Variants in RYR2 observed in about 807,000 individuals in gnomAD.
RYR2 encodes cardiac muscle ryanodine receptor-calcium release channel.
Under a neutral mutation model 601.1 loss-of-function variants are expected in RYR2, and 227 were observed. The observed-to-expected ratio is 0.38, with a 90% CI of 0.34 to 0.42. RYR2 has a LOEUF of 0.42. Ranked by LOEUF, RYR2 falls within the 10% of genes least tolerant of loss-of-function variation. RYR2 has a pLI of 1.00. For synonymous variants in RYR2, 2,223 were observed against 2,175.1 expected (o/e 1.02, Z -0.61); for missense variants, 4,646 against 6,156.5 (o/e 0.75, Z 8.21).
intron 48 of RYR2, among the ~76,000 whole-genome samples, chr1:237,645,116 G>T (rs1303624505): frequency 6.6e-6 from 1 of 152,122 alleles, no homozygotes; most frequent in Admixed American, 6.5e-5. Flanking sequence ...TGCCCCTAGA[G>T]AAGGCAGGCT....
chr1:237,402,885 C>CGCTGT lies in RYR2; in HGVS notation c.774-14164_774-14163insGCTGT, dbSNP rs1447265888. On this transcript the variant is annotated intron_variant, in intron 10 of 104. Coordinates refer to ENST00000366574, the MANE Select transcript of RYR2 (RefSeq NM_001035.3). Reference sequence around the variant, plus strand: ...CAGCCTCGATGTCCTGGCCTCAAACCATCCCCCTGCTTCAGCCTCCTGTCT... The same window carrying CGCTGT: ...CAGCCTCGATGTCCTGGCCTCAAACCGCTGTATCCCCCTGCTTCAGCCTCCTGTCT... Among the ~76,000 whole-genome samples the CGCTGT allele has an allele frequency of 9.2e-5, 14 of 152,390 alleles. No individual in the cohort carries two copies. In the East Asian group the frequency reaches 2.7e-3, roughly 29 times the overall value.
chr1:237,051,200 T>C (rs1184767001), intron 1 of RYR2, among the ~76,000 whole-genome samples: 1 of 85,332 alleles, frequency 1.2e-5, no homozygotes, highest in Non-Finnish European at 2.1e-5. Context: ...TTCCCTTCCC[T>C]CCCTTTCCCT....
intron 68 of RYR2, among the ~76,000 whole-genome samples, chr1:237,707,912 C>T (rs1027772333): frequency 6.0e-5 from 9 of 149,708 alleles, no homozygotes; most frequent in South Asian, 2.1e-4. Flanking sequence ...GCTAGGATTA[C>T]AGGCATCTGC....
At chr1:237,809,111 T>G (rs1282549831) in intron 100 of RYR2, 76 bp downstream of exon 100, 9 of 1,287,878 alleles carry the variant, frequency 7.0e-6, no homozygotes, top group Middle Eastern at 2.6e-4. Context: ...GTGTATTTAT[T>G]CTCTAACAGT....
rs553497043 is a variant in RYR2 at position 237,328,739 on chromosome 1, A to G, written c.169-2139A>G. On this transcript the variant is annotated intron_variant, in intron 2 of 104. Coordinates refer to ENST00000366574, the MANE Select transcript of RYR2 (RefSeq NM_001035.3). ...TTTAATTTGAGAACTCTAGTACTTG[A>G]TTTTTCCTTGTAACCATAAAGCATC... is the stretch of plus-strand genomic sequence containing the variant. Among the ~76,000 whole-genome samples, 12 of 152,270 alleles carry G rather than the reference A, an allele frequency of 7.9e-5. No individual in the cohort carries two copies. In the South Asian group the frequency reaches 1.9e-3, roughly 24 times the overall value.
chr1:237,368,192 T>G (rs1017216925), intron 5 of RYR2, among the ~76,000 whole-genome samples: 1 of 152,202 alleles, frequency 6.6e-6, no homozygotes, highest in African/African-American at 2.4e-5. Context: ...AAGAGTCACA[T>G]GTACATAAAA....
At chr1:237,325,463 C>T (rs990859698) in intron 2 of RYR2, among the ~76,000 whole-genome samples, 33 of 151,900 alleles carry the variant, frequency 2.2e-4, no homozygotes, top group Admixed American at 4.6e-4. Flanking sequence ...CCGAGGCAGG[C>T]GGATCATGAG....
chr1:237,264,809 C>A (rs1688890197), intron 1 of RYR2, among the ~76,000 whole-genome samples: 1 of 151,738 alleles, frequency 6.6e-6, no homozygotes, highest in South Asian at 2.1e-4. Flanking sequence ...AATTCTCCTG[C>A]CTCAGCGTCC....
At chr1:237,332,575 T>G (rs1696854081) in intron 3 of RYR2, among the ~76,000 whole-genome samples, 1 of 152,190 alleles carries the variant, frequency 6.6e-6, no homozygotes, top group South Asian at 2.1e-4. Context: ...CATCCCTGAG[T>G]CATATCAACT....
chr1:237,109,730 A>AAT (rs1558250487), intron 1 of RYR2, among the ~76,000 whole-genome samples: 1 of 94,750 alleles, frequency 1.1e-5, no homozygotes, highest in African/African-American at 3.4e-5. Flanking sequence ...TCAAAAAAAA[A>AAT]AATAATAATA....
chr1:237,432,430 G>T (rs899577911), intron 12 of RYR2, among the ~76,000 whole-genome samples: 19 of 152,152 alleles, frequency 1.2e-4, no homozygotes, highest in Admixed American at 1.1e-3. Flanking sequence ...AATATATTCA[G>T]TTGGGAATGG....
intron 52 of RYR2, 57 bp from the exon 53 acceptor site, chr1:237,655,764 A>G (rs1683183168): frequency 1.3e-6 from 2 of 1,493,808 alleles, no homozygotes; most frequent in Non-Finnish European, 1.8e-6. Flanking sequence ...CCTGATGATC[A>G]TGCTGACAAC....
At chr1:237,588,701 C>T (rs148398863) in intron 29 of RYR2, among the ~76,000 whole-genome samples, 8 of 152,036 alleles carry the variant, frequency 5.3e-5, no homozygotes, top group Non-Finnish European at 1.2e-4. Context: ...GACGCAGTGG[C>T]GTGCACCTGT....
chr1:237,634,469 T>C (rs776197222), intron 43 of RYR2, among the ~76,000 whole-genome samples: 6 of 152,028 alleles, frequency 3.9e-5, no homozygotes, highest in Non-Finnish European at 7.4e-5. Flanking sequence ...GGGGGAGTGG[T>C]TGGGGAGATG....
chr1:237,602,682 C>T (rs529119486), intron 35 of RYR2, among the ~76,000 whole-genome samples: 3 of 152,086 alleles, frequency 2.0e-5, no homozygotes, highest in Non-Finnish European at 4.4e-5. Context: ...ACAAAGGATG[C>T]CTTCCAGAAT....
chr1:237,310,362 C>G (rs1272050719), intron 2 of RYR2, among the ~76,000 whole-genome samples: 1 of 152,180 alleles, frequency 6.6e-6, no homozygotes, highest in Non-Finnish European at 1.5e-5. Context: ...AAAAATTAAA[C>G]TACAAGCTGA....
chr1:237,443,585 T>C (rs1442474850), intron 13 of RYR2, among the ~76,000 whole-genome samples: 1 of 152,224 alleles, frequency 6.6e-6, no homozygotes, highest in Admixed American at 6.5e-5. Context: ...TTTGAAATTC[T>C]ACTAGATTTA....
chr1:237,644,258 A>G (rs999438400), intron 48 of RYR2, among the ~76,000 whole-genome samples: 1 of 151,846 alleles, frequency 6.6e-6, no homozygotes. Context: ...TTTGAGATGG[A>G]GTCTCACTCC....
chr1:237,133,733 C>G (rs1672426377), intron 1 of RYR2, among the ~76,000 whole-genome samples: 1 of 152,018 alleles, frequency 6.6e-6, no homozygotes, highest in Non-Finnish European at 1.5e-5. Flanking sequence ...CAAGACCAGC[C>G]TGACCAACAT....
Sources: allele counts gnomAD v4.1 joint callset (sites outside exome capture counted in the v4.1 genomes callset), GRCh38; gene constraint gnomAD v4.1.1; transcripts MANE v1.5; gene names NCBI Gene and HGNC (gene_info 2026-07-23, HGNC 2026-07-21).